DKK3: variants seen among roughly 807,000 people sequenced by gnomAD.
DKK3 encodes the protein dickkopf-related protein 3.
A neutral mutation model predicts 33.2 loss-of-function variants in DKK3; 22 were observed. That is an observed-to-expected ratio of 0.66 (90% confidence interval 0.47 to 0.95). The LOEUF (loss-of-function observed/expected upper bound fraction) is 0.95. DKK3 is among the 40% of genes least tolerant of loss of function. The pLI, the probability that DKK3 is intolerant of heterozygous loss-of-function variation, is 0.00. For synonymous variants in DKK3, 194 were observed against 188.8 expected (o/e 1.03, Z -0.23); for missense variants, 398 against 458.4 (o/e 0.87, Z 1.20).
rs74800189 is a variant in DKK3, at chr11:11,969,908, G to A, written c.436-1421C>T. On this transcript the variant is annotated intron_variant, in intron 3 of 6. Coordinates refer to ENST00000683431, the MANE Select transcript of DKK3 (RefSeq NM_001018057.2). ...GGCATGATACCATCGCTGTTTTTACGGATAAGAAAACCGAGGCTCCGAGTA... is the reference window on the plus strand; with the variant it reads ...GGCATGATACCATCGCTGTTTTTACAGATAAGAAAACCGAGGCTCCGAGTA... Among the ~76,000 whole-genome samples, 8 of 152,292 alleles carry A rather than the reference G, an allele frequency of 5.3e-5. No individual in the cohort carries two copies. The South Asian group carries it at 8.3e-4, about 16-fold the overall frequency.
At chr11:11,987,738 T>C (rs1173340373) in intron 3 of DKK3, among the ~76,000 whole-genome samples, 1 of 152,274 alleles carries the variant, frequency 6.6e-6, no homozygotes, top group Non-Finnish European at 1.5e-5. Flanking sequence ...ACTTTATCTT[T>C]GGCATGAGGC....
At chr11:11,982,704 GGCCACAAGTGAGGACGATGTCCC>G (rs1279521201) in intron 3 of DKK3, among the ~76,000 whole-genome samples, 1 of 152,160 alleles carries the variant, frequency 6.6e-6, no homozygotes, top group East Asian at 1.9e-4. Flanking sequence ...CCAGTCCTCG[GGCCACAAGTGAGGACGATGTCCC>G]GCCACAACCA....
intron 3 of DKK3, among the ~76,000 whole-genome samples, chr11:11,997,462 G>A (rs1333687693): frequency 1.3e-5 from 2 of 152,134 alleles, no homozygotes; most frequent in Non-Finnish European, 2.9e-5. Context: ...TTTGGAAGCT[G>A]GCCTCTCTTC....
chr11:12,005,692 T>C (rs1441301634), intron 1 of DKK3, among the ~76,000 whole-genome samples: 1 of 152,238 alleles, frequency 6.6e-6, no homozygotes, highest in Non-Finnish European at 1.5e-5. Flanking sequence ...AGGAGATTCA[T>C]GATGCAACTA....
intron 3 of DKK3, among the ~76,000 whole-genome samples, chr11:11,969,625 G>A (rs1296097432): frequency 1.3e-5 from 2 of 152,038 alleles, no homozygotes; most frequent in Non-Finnish European, 2.9e-5. Context: ...CCTTCTGGAA[G>A]GGTCTTGAGG....
intron 3 of DKK3, among the ~76,000 whole-genome samples, chr11:11,993,936 T>A (rs1847244176): frequency 6.6e-6 from 1 of 152,136 alleles, no homozygotes; most frequent in Non-Finnish European, 1.5e-5. Flanking sequence ...TTTTGACCTA[T>A]CCTTCCCTTT....
At chr11:11,985,933 G>T (rs1848061093) in intron 3 of DKK3, among the ~76,000 whole-genome samples, 1 of 152,194 alleles carries the variant, frequency 6.6e-6, no homozygotes, top group South Asian at 2.1e-4. Context: ...TCTGCTACAG[G>T]ATGTATGTTC....
At chr11:11,983,510 A>G (rs1265613440) in intron 3 of DKK3, among the ~76,000 whole-genome samples, 1 of 152,244 alleles carries the variant, frequency 6.6e-6, no homozygotes, top group Non-Finnish European at 1.5e-5. Context: ...CCCTCCTGAC[A>G]TATCACAAGT....
At chr11:12,003,049 C>T (rs1330389544) in intron 1 of DKK3, among the ~76,000 whole-genome samples, 2 of 152,236 alleles carry the variant, frequency 1.3e-5, no homozygotes, top group African/African-American at 4.8e-5. Context: ...TCTAAGGCCT[C>T]CAGTGGGATG....
chr11:11,996,778 A>T (rs1288312465), intron 3 of DKK3, among the ~76,000 whole-genome samples: 5 of 152,182 alleles, frequency 3.3e-5, no homozygotes, highest in Non-Finnish European at 7.3e-5. Flanking sequence ...ACTGTCATAT[A>T]TGGGGGTTCG....
At position 11,967,028 on chromosome 11, in the gene DKK3, G is replaced by T. The variant is rs200377619; in HGVS notation, c.599C>A (p.Thr200Asn). ...ACAGATGGTCCCATTGCTGCCCCTGGTGGCCATTTTGGTGCAGTGACCCCA... is the reference window on the plus strand; with the variant it reads ...ACAGATGGTCCCATTGCTGCCCCTGTTGGCCATTTTGGTGCAGTGACCCCA... ...CVWGHCTKMATRGSNGTICDN... is the reference protein window; with the variant it reads ...CVWGHCTKMANRGSNGTICDN... The change falls in exon 5 of 7, where the codon ACC (threonine) becomes AAC (asparagine). Residue 200 changes from threonine to asparagine, a missense_variant. Coordinates refer to ENST00000683431, the MANE Select transcript of DKK3 (RefSeq NM_001018057.2). The T allele has an allele frequency of 3.7e-6, 6 of 1,614,020 alleles. No homozygotes were observed. In the East Asian group the frequency reaches 1.1e-4, roughly 30 times the overall value.
chr11:11,964,500 A>AGCCGCAGGCT lies in DKK3; in HGVS notation c.1007_1016dup (p.Ala341CysfsTer41), dbSNP rs1490402959. 1.5e-5 allele frequency: 25 copies of AGCCGCAGGCT among 1,613,460 alleles called. No homozygotes were observed. Among genetic ancestry groups the AGCCGCAGGCT allele is most frequent in the Non-Finnish European group, 2.1e-5 (25 of 1,180,026 alleles). On this transcript the variant is annotated frameshift_variant, in exon 7 of 7. Transcript: ENST00000683431. LOFTEE classifies it high-confidence loss of function. ...CCCCTCCCAGCAGTGCAGCGGCGGC[A>AGCCGCAGGCT]GCCGCAGGCTCCCTCAGCGCCATCT...
intron 6 of DKK3, among the ~76,000 whole-genome samples, chr11:11,965,511 G>C (rs1251417506): frequency 6.6e-6 from 1 of 152,126 alleles, no homozygotes; most frequent in Non-Finnish European, 1.5e-5. Context: ...GACAGGTCTG[G>C]GGAGGGAGCC....
At chr11:11,991,026 C>T (rs1848176555) in intron 3 of DKK3, among the ~76,000 whole-genome samples, 2 of 152,228 alleles carry the variant, frequency 1.3e-5, no homozygotes, top group Non-Finnish European at 2.9e-5. Context: ...ACAGCATAAG[C>T]CTCTTGTCTG....
chr11:11,997,483 T>C lies in DKK3; in HGVS notation c.435+1213A>G, dbSNP rs80116841. Among the ~76,000 whole-genome samples the C allele has an allele frequency of 4.6e-3, 703 of 152,324 alleles. 5 individuals carry two copies. The highest frequency in any genetic ancestry group is 0.016 in the African/African-American group (681 of 41,568). ...AGCTGGCCTCTCTTCCATCCCTGCC[T>C]TAGTTAACCTTGTCTTCGTTTCAGA... On this transcript the variant is annotated intron_variant, in intron 3 of 6. Transcript: ENST00000683431.
rs1392757239 is a variant in DKK3 at position 12,008,576 on chromosome 11, G to A, written c.7C>T (p.Arg3Trp). The change falls in exon 1 of 7, where the codon CGG (arginine) becomes TGG (tryptophan). Residue 3 changes from arginine to tryptophan, a missense_variant. By Grantham distance (101) the Arg-to-Trp change is moderately radical. Coordinates refer to ENST00000683431, the MANE Select transcript of DKK3 (RefSeq NM_001018057.2). This position sits in a 1 kb window ranked among gnomAD's most constrained non-coding sequence, Gnocchi z 4.6. ...AGGCACAGCAGGGTGGCCCCAAGCC[G>A]CTGCATCTCCGCTCTGCGCCCGCAG... The part of the protein sequence containing the change: MQ[R>W]LGATLLCLLL... 24 of 1,459,988 alleles carry A rather than the reference G, an allele frequency of 1.6e-5. No homozygotes were observed. The highest frequency in any genetic ancestry group is 2.2e-5 in the Non-Finnish European group (24 of 1,115,932). 90.4% of individuals were successfully genotyped at this position (1,459,988 alleles called of 1,614,324 possible).
chr11:12,007,596 G>A (rs998928961), intron 1 of DKK3, among the ~76,000 whole-genome samples: 5 of 152,228 alleles, frequency 3.3e-5, no homozygotes, highest in Non-Finnish European at 5.9e-5. Context: ...GCTAAGGTAC[G>A]TGGTATCTGA....
chr11:11,963,526 T>C lies in DKK3; in HGVS notation c.*938A>G, dbSNP rs529756397. 2.6e-5 allele frequency: 4 copies of C among 152,370 alleles called. No homozygotes were observed. Among genetic ancestry groups the C allele is most frequent in the Admixed American group, 1.3e-4 (2 of 15,302 alleles). The allele number at this position is 152,370 out of a possible 1,614,324, so 9.4% of individuals were successfully genotyped here. ...CCAAAGAGGGACAGTGTCAATATCA[T>C]TGTCTTCATTAGAAGGACGGCTGCC... On this transcript the variant is annotated 3_prime_UTR_variant, in exon 7 of 7. Coordinates refer to ENST00000683431, the MANE Select transcript of DKK3 (RefSeq NM_001018057.2).
intron 3 of DKK3, among the ~76,000 whole-genome samples, chr11:11,987,007 G>A (rs576321357): frequency 1.5e-4 from 23 of 152,210 alleles, no homozygotes; most frequent in African/African-American, 3.9e-4. Flanking sequence ...TTTTACTTCC[G>A]TTTCTATTCC....
Sources: gnomAD v4.1 joint callset for allele counts (sites outside exome capture counted in the v4.1 genomes callset) on GRCh38, gnomAD v4.1.1 for gene constraint, Gnocchi (gnomAD v3.1) non-coding constraint, MANE v1.5 for transcripts, NCBI Gene and HGNC (gene_info 2026-07-23, HGNC 2026-07-21) for gene names.